Variants in NKAIN2 observed in about 807,000 individuals in gnomAD.
The protein encoded by NKAIN2 is sodium/potassium-transporting ATPase subunit beta-1-interacting protein 2.
NKAIN2 carries 14 observed loss-of-function variants against 32.6 expected under a neutral mutation model. The observed-to-expected ratio is 0.43, with a 90% CI of 0.28 to 0.67. NKAIN2 has a LOEUF of 0.67. Ranked by LOEUF, NKAIN2 falls within the 30% of genes least tolerant of loss-of-function variation. NKAIN2 has a pLI of 0.17. For synonymous variants in NKAIN2, 80 were observed against 87.2 expected (o/e 0.92, Z 0.46); for missense variants, 198 against 258.3 (o/e 0.77, Z 1.60).
intron 1 of NKAIN2, among the ~76,000 whole-genome samples, chr6:123,938,040 G>T (rs1186007943): frequency 6.9e-5 from 4 of 57,834 alleles, no homozygotes; most frequent in African/African-American, 3.2e-4. Context: ...TGTTTGAGTT[G>T]CTGAACCGCT....
intron 3 of NKAIN2, among the ~76,000 whole-genome samples, chr6:124,498,924 G>GTTGTTTTGTT (rs377584336): frequency 4.6e-5 from 7 of 151,982 alleles, no homozygotes; most frequent in Non-Finnish European, 1.0e-4. Flanking sequence ...TTTTGTAGTT[G>GTTGTTTTGTT]TTGTTTTGTT....
intron 3 of NKAIN2, among the ~76,000 whole-genome samples, chr6:124,652,949 A>C (rs1175655330): frequency 6.6e-6 from 1 of 152,184 alleles, no homozygotes; most frequent in East Asian, 1.9e-4. Flanking sequence ...AACTACAGCA[A>C]AATCTAGCAA....
At chr6:124,783,180 CTGAG>C (rs887313705) in intron 4 of NKAIN2, among the ~76,000 whole-genome samples, 2 of 152,128 alleles carry the variant, frequency 1.3e-5, no homozygotes, top group Non-Finnish European at 2.9e-5. Flanking sequence ...TTCGTCCTGC[CTGAG>C]TATCTTCTGC....
chr6:123,851,450 C>T (rs1238256626), intron 1 of NKAIN2, among the ~76,000 whole-genome samples: 1 of 151,922 alleles, frequency 6.6e-6, no homozygotes, highest in Non-Finnish European at 1.5e-5. Context: ...GGGGTTTCAC[C>T]ATGTTGGCCA....
intron 3 of NKAIN2, among the ~76,000 whole-genome samples, chr6:124,547,444 G>A (rs964964942): frequency 6.6e-6 from 1 of 152,124 alleles, no homozygotes; most frequent in Non-Finnish European, 1.5e-5. Context: ...TTTTAAATAT[G>A]TAATAACATT....
chr6:124,213,353 A>G (rs1791287034), intron 1 of NKAIN2, among the ~76,000 whole-genome samples: 1 of 152,122 alleles, frequency 6.6e-6, no homozygotes, highest in Non-Finnish European at 1.5e-5. Flanking sequence ...GTTAAAATTA[A>G]ATTGGTTCCC....
intron 1 of NKAIN2, among the ~76,000 whole-genome samples, chr6:124,193,260 G>T (rs1014643531): frequency 5.9e-5 from 9 of 152,194 alleles, no homozygotes; most frequent in Non-Finnish European, 1.3e-4. Flanking sequence ...CGCACTACCA[G>T]CCGGGATCTC....
At chr6:124,100,761 G>A (rs1784847055) in intron 1 of NKAIN2, among the ~76,000 whole-genome samples, 1 of 152,112 alleles carries the variant, frequency 6.6e-6, no homozygotes, top group African/African-American at 2.4e-5. Context: ...AATAGATGTG[G>A]GGCCCCTAGA....
chr6:124,770,902 C>T (rs1045635561), intron 4 of NKAIN2, among the ~76,000 whole-genome samples: 4 of 152,138 alleles, frequency 2.6e-5, no homozygotes, highest in African/African-American at 7.2e-5. Context: ...GCCACGTACA[C>T]AGTTCATCTT....
intron 5 of NKAIN2, among the ~76,000 whole-genome samples, chr6:124,814,015 T>C (rs190952976): frequency 6.6e-6 from 1 of 152,300 alleles, no homozygotes; most frequent in African/African-American, 2.4e-5. Flanking sequence ...AAAAAGATGG[T>C]ATTATGGGTA....
intron 1 of NKAIN2, among the ~76,000 whole-genome samples, chr6:124,011,755 C>T (rs1463747644): frequency 6.6e-6 from 1 of 152,054 alleles, no homozygotes; most frequent in Non-Finnish European, 1.5e-5. Flanking sequence ...TAGCTTAGGC[C>T]TACATCAAAT....
At chr6:124,630,802 C>A (rs542571198) in intron 3 of NKAIN2, among the ~76,000 whole-genome samples, 49 of 152,126 alleles carry the variant, frequency 3.2e-4, no homozygotes, top group African/African-American at 1.2e-3. Flanking sequence ...AAAAACTAAA[C>A]CTTCAGTCCA....
intron 1 of NKAIN2, among the ~76,000 whole-genome samples, chr6:123,911,900 G>A (rs1381033983): frequency 1.4e-5 from 2 of 147,096 alleles, no homozygotes; most frequent in Non-Finnish European, 3.0e-5. Flanking sequence ...TTTTCAAACT[G>A]GGCATCAACC....
At chr6:124,575,985 A>G (rs1781317423) in intron 3 of NKAIN2, among the ~76,000 whole-genome samples, 1 of 152,238 alleles carries the variant, frequency 6.6e-6, no homozygotes, top group Admixed American at 6.5e-5. Flanking sequence ...ACAAATCAAG[A>G]CAGTGGCACT....
chr6:123,997,174 A>G (rs192675859), intron 1 of NKAIN2, among the ~76,000 whole-genome samples: 2 of 152,314 alleles, frequency 1.3e-5, no homozygotes, highest in East Asian at 3.9e-4. Flanking sequence ...ATACATTTCT[A>G]TTTATTTTAG....
At chr6:124,045,302 C>G (rs1218110499) in intron 1 of NKAIN2, among the ~76,000 whole-genome samples, 1 of 151,764 alleles carries the variant, frequency 6.6e-6, no homozygotes, top group South Asian at 2.1e-4. Context: ...GTTATAATCT[C>G]TTTTATGTCA....
At chr6:124,240,067 C>T (rs369218495) in intron 1 of NKAIN2, among the ~76,000 whole-genome samples, 2 of 151,968 alleles carry the variant, frequency 1.3e-5, no homozygotes, top group African/African-American at 4.8e-5. Context: ...GGGGATATCA[C>T]TACTGATCCC....
chr6:124,500,396 C>T (rs1445676959), intron 3 of NKAIN2, among the ~76,000 whole-genome samples: 1 of 151,882 alleles, frequency 6.6e-6, no homozygotes, highest in African/African-American at 2.4e-5. Context: ...TTACTGTAAT[C>T]CCAGCACTTT....
At chr6:124,620,323 C>T (rs150657853) in intron 3 of NKAIN2, among the ~76,000 whole-genome samples, 65 of 152,178 alleles carry the variant, frequency 4.3e-4, no homozygotes, top group African/African-American at 1.5e-3. Flanking sequence ...GTTTACAAAC[C>T]TCATCTATGC....
Sources: gnomAD v4.1 joint callset for allele counts (sites outside exome capture counted in the v4.1 genomes callset) on GRCh38, gnomAD v4.1.1 for gene constraint, MANE v1.5 for transcripts, NCBI Gene and HGNC (gene_info 2026-07-23, HGNC 2026-07-21) for gene names.